Variants in C12orf42 observed in about 807,000 individuals in gnomAD.
C12orf42 encodes the protein chromosome 12 open reading frame 42.
C12orf42 carries 25 observed loss-of-function variants against 21.6 expected under a neutral mutation model. The observed-to-expected ratio is 1.16, with a 90% CI of 0.84 to 1.62. The LOEUF (loss-of-function observed/expected upper bound fraction) is 1.62. C12orf42 is among the 40% of genes most tolerant of loss of function. The pLI is 0.00. For missense variants in C12orf42, 483 were observed against 459.3 expected (o/e 1.05, Z -0.47); for synonymous variants, 174 against 175.0 (o/e 0.99, Z 0.05).
At chr12:103,200,880 C>G in the C12orf42 span, among the ~76,000 whole-genome samples, 2,913 of 152,230 alleles carry the variant, frequency 0.019, 35 homozygotes, top group East Asian at 0.028. Context: ...CAATTACAAT[C>G]AACACATTTT....
At chr12:103,437,319 A>G (rs1413354757) in intron 2 of C12orf42, among the ~76,000 whole-genome samples, 2 of 152,162 alleles carry the variant, frequency 1.3e-5, no homozygotes, top group Non-Finnish European at 2.9e-5. Context: ...TCCAAAATTG[A>G]CACCCTAACA....
At chr12:103,068,934 CATATATATATAT>C in the C12orf42 span, among the ~76,000 whole-genome samples, 6,361 of 48,040 alleles carry the variant, frequency 0.13, 578 homozygotes, top group East Asian at 0.2. Context: ...TCTCTCTCCA[CATATATATATAT>C]ATATATATAT....
the C12orf42 span, among the ~76,000 whole-genome samples, chr12:103,126,516 A>G: frequency 1.3e-5 from 2 of 152,228 alleles, no homozygotes; most frequent in Non-Finnish European, 2.9e-5. Flanking sequence ...GAATAAGAGA[A>G]GATGCCCACC....
At chr12:103,451,705 T>C (rs1196355174) in intron 2 of C12orf42, among the ~76,000 whole-genome samples, 2 of 152,072 alleles carry the variant, frequency 1.3e-5, no homozygotes, top group Non-Finnish European at 2.9e-5. Flanking sequence ...ATTTGTTGGG[T>C]CTATTTTCCC....
At chr12:103,356,793 T>TC (rs1383060499) in intron 4 of C12orf42, among the ~76,000 whole-genome samples, 4 of 152,128 alleles carry the variant, frequency 2.6e-5, no homozygotes, top group Non-Finnish European at 2.9e-5. Flanking sequence ...GAGCATTTTT[T>TC]CACGTGTTTT....
intron 2 of C12orf42, among the ~76,000 whole-genome samples, chr12:103,446,230 A>G (rs1565841522): frequency 1.3e-5 from 2 of 151,990 alleles, no homozygotes; most frequent in African/African-American, 2.4e-5. Flanking sequence ...AAACAAAGCA[A>G]TTATCAGCAA....
intron 2 of C12orf42, among the ~76,000 whole-genome samples, chr12:103,419,088 A>G (rs540708119): frequency 4.3e-4 from 66 of 152,298 alleles, no homozygotes; most frequent in African/African-American, 1.6e-3. Context: ...AATATGAGGT[A>G]AGGCAGGAAG....
At chr12:103,224,215 G>A in the C12orf42 span, among the ~76,000 whole-genome samples, 139 of 152,288 alleles carry the variant, frequency 9.1e-4, no homozygotes, top group African/African-American at 3.2e-3. Flanking sequence ...CCTGGGTGGG[G>A]CAAATCCTCG....
the C12orf42 span, among the ~76,000 whole-genome samples, chr12:103,145,101 A>G: frequency 1.1e-4 from 17 of 152,304 alleles, no homozygotes; most frequent in East Asian, 3.3e-3. Context: ...TCAGGATGCT[A>G]TAAGGGTTAG....
At chr12:103,207,798 C>T in the C12orf42 span, among the ~76,000 whole-genome samples, 2 of 152,110 alleles carry the variant, frequency 1.3e-5, no homozygotes, top group East Asian at 1.9e-4. Context: ...CTTGAAGATC[C>T]GTTGTTCTCT....
At chr12:103,481,097 A>G (rs917354585) in intron 1 of C12orf42, among the ~76,000 whole-genome samples, 4 of 151,920 alleles carry the variant, frequency 2.6e-5, no homozygotes, top group African/African-American at 9.6e-5. Flanking sequence ...CTTCTTAATA[A>G]ATCATTTTAT....
the C12orf42 span, among the ~76,000 whole-genome samples, chr12:103,230,572 T>C: frequency 6.6e-6 from 1 of 152,216 alleles, no homozygotes; most frequent in Non-Finnish European, 1.5e-5. Flanking sequence ...TTAACATGTG[T>C]CCATCACAGA....
intron 1 of C12orf42, among the ~76,000 whole-genome samples, chr12:103,485,782 T>G (rs1309154642): frequency 6.6e-6 from 1 of 152,198 alleles, no homozygotes; most frequent in African/African-American, 2.4e-5. Context: ...TTTTCTATTA[T>G]TGGTATATAG....
chr12:103,460,779 T>C (rs542956452), intron 2 of C12orf42, among the ~76,000 whole-genome samples: 2 of 152,302 alleles, frequency 1.3e-5, no homozygotes, highest in Admixed American at 1.3e-4. Flanking sequence ...TAAATATGCA[T>C]GTGTGAGCAT....
At chr12:103,380,604 T>A (rs911216454) in intron 3 of C12orf42, among the ~76,000 whole-genome samples, 1 of 152,192 alleles carries the variant, frequency 6.6e-6, no homozygotes, top group Non-Finnish European at 1.5e-5. Context: ...GTTGTAAAAT[T>A]TGCAAGGTAA....
intron 1 of C12orf42, among the ~76,000 whole-genome samples, chr12:103,484,604 A>G (rs1177513311): frequency 1.3e-5 from 2 of 152,108 alleles, no homozygotes; most frequent in African/African-American, 2.4e-5. Flanking sequence ...CCCATTCTGT[A>G]GGTTACCTGT....
intron 2 of C12orf42, among the ~76,000 whole-genome samples, chr12:103,475,466 G>A (rs1953977735): frequency 6.6e-6 from 1 of 152,192 alleles, no homozygotes; most frequent in Admixed American, 6.5e-5. Flanking sequence ...CAATACCAGT[G>A]CATGACAATT....
chr12:103,481,558 G>C (rs911078886), intron 1 of C12orf42, among the ~76,000 whole-genome samples: 1 of 151,476 alleles, frequency 6.6e-6, no homozygotes, highest in Non-Finnish European at 1.5e-5. Context: ...ATTTCCTGGG[G>C]GTTTACTACA....
At chr12:103,514,512 T>C in the C12orf42 span, among the ~76,000 whole-genome samples, 3,253 of 152,180 alleles carry the variant, frequency 0.021, 47 homozygotes, top group Non-Finnish European at 0.033. Context: ...TGGGGCCCCA[T>C]GGGGAAGGAG....
Sources: gnomAD v4.1 joint callset for allele counts (sites outside exome capture counted in the v4.1 genomes callset) on GRCh38, gnomAD v4.1.1 for gene constraint, MANE v1.5 for transcripts, NCBI Gene and HGNC (gene_info 2026-07-23, HGNC 2026-07-21) for gene names.